The following ZNF710 variants were observed in gnomAD, a reference collection of about 807,000 sequenced individuals.
The protein encoded by ZNF710 is zinc finger protein 710.
ZNF710 carries 13 observed loss-of-function variants against 50.6 expected under a neutral mutation model. That is an observed-to-expected ratio of 0.26 (90% CI 0.17 to 0.41). ZNF710 has a LOEUF of 0.41. ZNF710 is among the 10% of genes least tolerant of loss of function. The probability of loss-of-function intolerance (pLI) is 1.00; values close to 1 mark genes in which losing one functional copy is unlikely to be tolerated. For missense variants in ZNF710, 721 were observed against 936.6 expected, an observed-to-expected ratio of 0.77 and a Z score of 3.01; for synonymous variants, 383 against 397.0, an observed-to-expected ratio of 0.96 and a Z score of 0.42.
At chr15:90,013,783 C>G (rs1216255407) in intron 1 of ZNF710, among the ~76,000 whole-genome samples, 1 of 152,130 alleles carries the variant, frequency 6.6e-6, no homozygotes, top group Non-Finnish European at 1.5e-5. Flanking sequence ...CATTTCAGGT[C>G]CAATTAAAAA....
At chr15:90,039,201 C>T (rs1428390599) in intron 1 of ZNF710, among the ~76,000 whole-genome samples, 6 of 152,054 alleles carry the variant, frequency 3.9e-5, no homozygotes. Context: ...ATCGCTTGAA[C>T]CCAGGAGGTG....
chr15:90,032,092 G>C (rs76649664), intron 1 of ZNF710, among the ~76,000 whole-genome samples: 4 of 152,242 alleles, frequency 2.6e-5, no homozygotes, highest in Non-Finnish European at 5.9e-5. Context: ...TGGCTCCCAG[G>C]TTCAAGCAAT....
At chr15:90,009,952 A>G (rs1300767710) in intron 1 of ZNF710, among the ~76,000 whole-genome samples, 1 of 151,870 alleles carries the variant, frequency 6.6e-6, no homozygotes, top group African/African-American at 2.4e-5. Flanking sequence ...ACTTCCTCTT[A>G]CCTGACTTCT....
chr15:90,077,299 A>G (rs1391499204), intron 4 of ZNF710, among the ~76,000 whole-genome samples: 3 of 133,930 alleles, frequency 2.2e-5, no homozygotes, highest in African/African-American at 8.7e-5. Flanking sequence ...GCTGGAGTGC[A>G]GTGGCGCGAT....
chr15:90,056,031 C>T (rs931629531), intron 1 of ZNF710, among the ~76,000 whole-genome samples: 4 of 151,634 alleles, frequency 2.6e-5, no homozygotes, highest in Admixed American at 1.3e-4. Flanking sequence ...GCAGGAGAAT[C>T]GCTTGAACCA....
chr15:90,030,950 C>T (rs369237394), intron 1 of ZNF710, among the ~76,000 whole-genome samples: 2,535 of 140,872 alleles, frequency 0.018, 29 homozygotes, highest in South Asian at 0.025. Flanking sequence ...ACCCGGGAGG[C>T]GGAGCTTGCA....
rs550364771 is a variant in ZNF710, at chr15:90,034,060, G to C, written c.-29+32446G>C. On this transcript the variant is annotated intron_variant, in intron 1 of 4. Transcript: ENST00000268154. The surrounding 1 kb of genome is among the most constrained non-coding windows in gnomAD (Gnocchi z 4.0). ...TTACTAAAAGTACAAAAATTAGCTG[G>C]GCGTGGTAGCAGCTGTAGTCCCAGC... Among the ~76,000 whole-genome samples the C allele has an allele frequency of 6.6e-6, 1 of 152,122 alleles. No homozygotes were observed. Among genetic ancestry groups the C allele is most frequent in the South Asian group, 2.1e-4 (1 of 4,828 alleles).
chr15:90,008,427 TATATATATATATAC>T (rs1898197214), intron 1 of ZNF710, among the ~76,000 whole-genome samples: 1 of 135,092 alleles, frequency 7.4e-6, no homozygotes. Flanking sequence ...TGTGTGTGTG[TATATATATATATAC>T]ATATATATAT....
chr15:90,035,633 C>T (rs546864558), intron 1 of ZNF710, among the ~76,000 whole-genome samples: 8 of 152,328 alleles, frequency 5.3e-5, no homozygotes, highest in Admixed American at 1.3e-4. Context: ...CTAGCTGGGG[C>T]GGGAAGCCCC....
intron 1 of ZNF710, among the ~76,000 whole-genome samples, chr15:90,018,471 G>C (rs1229578793): frequency 6.6e-6 from 1 of 152,082 alleles, no homozygotes; most frequent in Non-Finnish European, 1.5e-5. Flanking sequence ...CCCAGCTGGG[G>C]TTTTCCTACC....
intron 1 of ZNF710, among the ~76,000 whole-genome samples, chr15:90,032,828 T>C (rs1161610576): frequency 2.0e-5 from 3 of 149,980 alleles, no homozygotes; most frequent in African/African-American, 4.9e-5. Flanking sequence ...TCTTAGCTAC[T>C]CAGGAGGCTA....
chr15:90,070,497 C>A (rs989594001), intron 2 of ZNF710, among the ~76,000 whole-genome samples: 2 of 151,322 alleles, frequency 1.3e-5, no homozygotes, highest in East Asian at 1.9e-4. Context: ...CATAGTGAAA[C>A]CCTGGCTCTA....
chr15:90,041,574 C>T (rs989730381), intron 1 of ZNF710, among the ~76,000 whole-genome samples: 38 of 152,330 alleles, frequency 2.5e-4, no homozygotes, highest in Non-Finnish European at 4.6e-4. Flanking sequence ...CATGCCACCT[C>T]CTCTGAAAGA....
intron 1 of ZNF710, among the ~76,000 whole-genome samples, chr15:90,052,289 A>T (rs1899670381): frequency 6.6e-6 from 1 of 152,100 alleles, no homozygotes; most frequent in Non-Finnish European, 1.5e-5. Flanking sequence ...ATTTTCCACC[A>T]GTGCATCTCT....
At chr15:90,029,695 A>G (rs945029583) in intron 1 of ZNF710, among the ~76,000 whole-genome samples, 3 of 152,014 alleles carry the variant, frequency 2.0e-5, no homozygotes, top group African/African-American at 7.3e-5. Flanking sequence ...GGCTCACTAC[A>G]ACCTCCACCT....
intron 1 of ZNF710, among the ~76,000 whole-genome samples, chr15:90,064,311 C>T (rs752795217): frequency 5.3e-5 from 8 of 152,232 alleles, no homozygotes; most frequent in Non-Finnish European, 1.0e-4. Context: ...AAGCCCTAAC[C>T]CATAGCAGGG....
chr15:89,999,810 C>G (rs1380118474), upstream of ZNF710, among the ~76,000 whole-genome samples: 1 of 151,972 alleles, frequency 6.6e-6, no homozygotes, highest in Admixed American at 6.6e-5. Flanking sequence ...ATCTGCTCCT[C>G]CCTGGGAGAA....
chr15:90,042,707 T>A (rs997728980), intron 1 of ZNF710, among the ~76,000 whole-genome samples: 2 of 152,174 alleles, frequency 1.3e-5, no homozygotes, highest in Non-Finnish European at 2.9e-5. Flanking sequence ...TCACCTGTGA[T>A]CGCAGAGGGA....
At chr15:90,077,947 C>T (rs1435054869) in intron 4 of ZNF710, among the ~76,000 whole-genome samples, 1 of 152,070 alleles carries the variant, frequency 6.6e-6, no homozygotes, top group East Asian at 1.9e-4. Context: ...GTGGCTCACG[C>T]CTGTAATCCC....
Sources: allele counts gnomAD v4.1 joint callset (sites outside exome capture counted in the v4.1 genomes callset), GRCh38; gene constraint gnomAD v4.1.1; non-coding constraint Gnocchi (gnomAD v3.1); transcripts MANE v1.5; gene names NCBI Gene and HGNC (gene_info 2026-07-23, HGNC 2026-07-21).